The following MALRD1 variants were observed in gnomAD, a reference collection of about 807,000 sequenced individuals.
The protein encoded by MALRD1 is MAM and LDL-receptor class A domain-containing protein 1.
A neutral mutation model predicts 242.1 loss-of-function variants in MALRD1; 247 were observed. The observed-to-expected ratio is 1.02, with a 90% CI of 0.92 to 1.13. MALRD1 has a LOEUF of 1.13. Among genes scored for constraint, MALRD1 ranks in the 50% most tolerant of loss-of-function variants. The pLI, the probability that MALRD1 is intolerant of heterozygous loss-of-function variation, is 0.00. For missense variants in MALRD1, 2,989 were observed against 2,533.1 expected (o/e 1.18, Z -3.86); for synonymous variants, 995 against 866.6 (o/e 1.15, Z -2.60).
chr10:19,699,203 T>TATA (rs149007944), intron 38 of MALRD1, among the ~76,000 whole-genome samples: 12,880 of 147,214 alleles, frequency 0.087, 818 homozygotes, highest in African/African-American at 0.18. Flanking sequence ...GAACTTAAAG[T>TATA]ATAATAATAA....
intron 35 of MALRD1, among the ~76,000 whole-genome samples, chr10:19,609,416 C>T (rs1387498884): frequency 6.6e-6 from 1 of 152,070 alleles, no homozygotes; most frequent in Non-Finnish European, 1.5e-5. Flanking sequence ...TTTAAGATAT[C>T]TTTAAGCCTG....
chr10:19,558,982 G>A (rs186563690), intron 32 of MALRD1, among the ~76,000 whole-genome samples: 2 of 151,842 alleles, frequency 1.3e-5, no homozygotes, highest in East Asian at 3.9e-4. Context: ...TTAGGGATTC[G>A]AGACCAGCCT....
intron 36 of MALRD1, among the ~76,000 whole-genome samples, chr10:19,639,965 C>T (rs1840309252): frequency 6.6e-6 from 1 of 152,170 alleles, no homozygotes; most frequent in Admixed American, 6.5e-5. Context: ...CAAAGCTGTG[C>T]AGGTTCCACT....
intron 38 of MALRD1, chr10:19,710,740 C>G (rs1024860378): frequency 3.3e-5 from 5 of 152,180 alleles, no homozygotes; most frequent in African/African-American, 9.7e-5. Flanking sequence ...TATAATATCT[C>G]TGTTTGGCAG....
At chr10:19,299,804 A>G (rs970833652) in intron 21 of MALRD1, among the ~76,000 whole-genome samples, 77 of 152,060 alleles carry the variant, frequency 5.1e-4, no homozygotes, top group African/African-American at 1.8e-3. Context: ...CCTGAGAACC[A>G]GAACAAGACA....
intron 13 of MALRD1, among the ~76,000 whole-genome samples, chr10:19,169,332 A>T (rs1291698242): frequency 6.6e-6 from 1 of 152,216 alleles, no homozygotes; most frequent in South Asian, 2.1e-4. Flanking sequence ...TCTGGATTTT[A>T]TACATACACA....
chr10:19,671,423 G>A lies in MALRD1; in HGVS notation c.6138-20859G>A, dbSNP rs556816969. On this transcript the variant is annotated intron_variant, in intron 36 of 39. Transcript: ENST00000454679. ...ACCTGAGGTTAGAAGTTCGAGACCA[G>A]CCCGACCAACATGGCAAAACCTCAT... is the stretch of plus-strand genomic sequence containing the variant. 4.6e-5 allele frequency among the ~76,000 whole-genome samples: 7 copies of A among 152,206 alleles called. No homozygotes were observed. The East Asian group carries it at 1.4e-3, about 30-fold the overall frequency.
At chr10:19,694,087 A>G (rs1304487652) in intron 38 of MALRD1, among the ~76,000 whole-genome samples, 1 of 152,242 alleles carries the variant, frequency 6.6e-6, no homozygotes, top group African/African-American at 2.4e-5. Flanking sequence ...AAGATGGATT[A>G]AAGACGTAAA....
chr10:19,152,360 T>A (rs1291011489), intron 11 of MALRD1, among the ~76,000 whole-genome samples: 1 of 152,190 alleles, frequency 6.6e-6, no homozygotes, highest in Non-Finnish European at 1.5e-5. Flanking sequence ...CACAATATTG[T>A]CAACTTTCTA....
chr10:19,068,264 G>C (rs537944719), intron 2 of MALRD1, among the ~76,000 whole-genome samples: 1 of 151,856 alleles, frequency 6.6e-6, no homozygotes, highest in Non-Finnish European at 1.5e-5. Flanking sequence ...AAGACACTGT[G>C]CTTCCCAATT....
At chr10:19,206,182 G>GA (rs1836774950) in intron 17 of MALRD1, among the ~76,000 whole-genome samples, 1 of 151,740 alleles carries the variant, frequency 6.6e-6, no homozygotes, top group Non-Finnish European at 1.5e-5. Context: ...GACCAAAGTA[G>GA]AAATGTAAAA....
At chr10:19,573,833 G>A (rs1564450984) in intron 33 of MALRD1, among the ~76,000 whole-genome samples, 3 of 152,078 alleles carry the variant, frequency 2.0e-5, no homozygotes, top group Admixed American at 6.6e-5. Flanking sequence ...AATAAATAAT[G>A]AGGTGCTACA....
intron 16 of MALRD1, 138 bp from the exon 17 acceptor site, chr10:19,204,760 C>A: frequency 1.1e-6 from 1 of 930,028 alleles, no homozygotes; most frequent in Non-Finnish European, 1.6e-6. Context: ...AAATGGACAG[C>A]CACAGTTATT....
At chr10:19,402,991 C>T (rs969124044) in intron 28 of MALRD1, among the ~76,000 whole-genome samples, 2 of 96,486 alleles carry the variant, frequency 2.1e-5, no homozygotes, top group African/African-American at 8.4e-5. Context: ...TCATTGTAGA[C>T]TCATATAATG....
At chr10:19,284,427 G>C (rs1250016488) in intron 21 of MALRD1, among the ~76,000 whole-genome samples, 1 of 116,022 alleles carries the variant, frequency 8.6e-6, no homozygotes, top group Non-Finnish European at 1.6e-5. Context: ...ACAGTCCCCA[G>C]AGTGTGATGT....
At position 19,577,339 on chromosome 10, in the gene MALRD1, T is replaced by G. The variant is rs529803872; in HGVS notation, c.5680+9636T>G. 2.6e-5 allele frequency among the ~76,000 whole-genome samples: 4 copies of G among 152,310 alleles called. No individual in the cohort carries two copies. In the South Asian group the frequency reaches 8.3e-4, roughly 32 times the overall value. Reference sequence around the variant, plus strand: ...GTCAAAAGATGGGTTAATTCCTTTTTGCTCCTAGAAGGGATATTAGATTTG... The same window carrying G: ...GTCAAAAGATGGGTTAATTCCTTTTGGCTCCTAGAAGGGATATTAGATTTG... On this transcript the variant is annotated intron_variant, in intron 33 of 39. Coordinates refer to ENST00000454679, the MANE Select transcript of MALRD1 (RefSeq NM_001142308.3).
intron 38 of MALRD1, among the ~76,000 whole-genome samples, chr10:19,695,018 A>G (rs1249474158): frequency 6.6e-6 from 1 of 152,184 alleles, no homozygotes; most frequent in Non-Finnish European, 1.5e-5. Context: ...TGGGAACTGA[A>G]CAATGAGAAC....
At chr10:19,393,583 C>A (rs1013234922) in intron 28 of MALRD1, among the ~76,000 whole-genome samples, 1 of 149,892 alleles carries the variant, frequency 6.7e-6, no homozygotes, top group Admixed American at 6.7e-5. Context: ...GTAGCTGGGA[C>A]TACAGGCGCC....
chr10:19,201,959 A>G lies in MALRD1; in HGVS notation c.1952-1769A>G, dbSNP rs148270665. On this transcript the variant is annotated intron_variant, in intron 14 of 39. Transcript: ENST00000454679. ...GCCTCCCGAGTAGCTGGGACTGCAG[A>G]TGCATGCCACCCTGCCCAGCTAATT... 6.5e-3 allele frequency among the ~76,000 whole-genome samples: 988 copies of G among 151,976 alleles called. 13 individuals are homozygous for G. The highest frequency in any genetic ancestry group is 0.014 in the Middle Eastern group (4 of 292).
Sources: gnomAD v4.1 joint callset for allele counts (sites outside exome capture counted in the v4.1 genomes callset) on GRCh38, gnomAD v4.1.1 for gene constraint, MANE v1.5 for transcripts, NCBI Gene and HGNC (gene_info 2026-07-23, HGNC 2026-07-21) for gene names.